The following PHACTR3 variants were observed in gnomAD, a reference collection of about 807,000 sequenced individuals.
The protein encoded by PHACTR3 is phosphatase and actin regulator 3.
A neutral mutation model predicts 66.8 loss-of-function variants in PHACTR3; 16 were observed. The ratio of observed to expected loss-of-function variants is 0.24; its 90% CI spans 0.16 to 0.36. The LOEUF is 0.36. PHACTR3 is among the 10% of genes least tolerant of loss of function. The probability of loss-of-function intolerance (pLI) is 1.00; values close to 1 mark genes in which losing one functional copy is unlikely to be tolerated. For synonymous variants in PHACTR3, 323 were observed against 292.1 expected (o/e 1.11, Z -1.08); for missense variants, 647 against 719.9 (o/e 0.90, Z 1.16).
chr20:59,689,475 G>A (rs570585686), intron 1 of PHACTR3, among the ~76,000 whole-genome samples: 3 of 152,206 alleles, frequency 2.0e-5, no homozygotes, highest in Admixed American at 6.5e-5. Flanking sequence ...TAGAGGTGCC[G>A]CAGGGTCTGC....
At chr20:59,666,538 GGT>G (rs1301008651) in intron 1 of PHACTR3, among the ~76,000 whole-genome samples, 1 of 141,812 alleles carries the variant, frequency 7.1e-6, no homozygotes, top group Non-Finnish European at 1.5e-5. Flanking sequence ...CAGAGACAGA[GGT>G]AGAGAGAGAG....
intron 1 of PHACTR3, among the ~76,000 whole-genome samples, chr20:59,706,602 G>A (rs1467563239): frequency 6.6e-6 from 1 of 152,254 alleles, no homozygotes; most frequent in Non-Finnish European, 1.5e-5. Flanking sequence ...GTTCATGGTT[G>A]TTAAGCTTGT....
intron 1 of PHACTR3, among the ~76,000 whole-genome samples, chr20:59,677,893 G>C (rs924845123): frequency 1.3e-5 from 2 of 152,166 alleles, no homozygotes; most frequent in African/African-American, 4.8e-5. Flanking sequence ...ATTAAGGAGA[G>C]GATCAGAGGA....
In PHACTR3 at chr20:59,604,592, G is replaced by GGGGGTGGGGGGT. The variant is rs1430898439; in HGVS notation, c.-411_-400dup. On this transcript the variant is annotated 5_prime_UTR_variant, in exon 1 of 13. Transcript: ENST00000371015. ...TTCTTCCTTTTCCCTTTTTTCCTGG[G>GGGGGTGGGGGGT]GGGGTGGGGGGTGGGGTGGGGGGAG... 2.3e-6 allele frequency: 1 copy of GGGGGTGGGGGGT among 435,962 alleles called. No homozygotes were observed. Among genetic ancestry groups the GGGGGTGGGGGGT allele is most frequent in the Admixed American group, 6.5e-5 (1 of 15,422 alleles). The allele number at this position is 435,962 out of a possible 1,614,324, so 27.0% of individuals were successfully genotyped here.
intron 1 of PHACTR3, among the ~76,000 whole-genome samples, chr20:59,583,944 G>C (rs1242478515): frequency 2.6e-5 from 4 of 152,258 alleles, no homozygotes; most frequent in Non-Finnish European, 4.4e-5. Context: ...CATGTGGAAG[G>C]CCTTTCCTGG....
intron 1 of PHACTR3, among the ~76,000 whole-genome samples, chr20:59,633,037 G>C (rs946537186): frequency 6.6e-6 from 1 of 152,190 alleles, no homozygotes; most frequent in Non-Finnish European, 1.5e-5. Context: ...GGAAGGAGAG[G>C]AGTGTGGGAG....
At position 59,608,238 on chromosome 20, in the gene PHACTR3, C is replaced by T. The variant is rs1036314128; in HGVS notation, c.118+3106C>T. On this transcript the variant is annotated intron_variant, in intron 1 of 12. Coordinates refer to ENST00000371015, the MANE Select transcript of PHACTR3 (RefSeq NM_080672.5). ...ATTAGTTCATTAAATCTCCCATGGC[C>T]GGGTCTGTGGCCATGGACTGTGTGG... 3.9e-5 allele frequency among the ~76,000 whole-genome samples: 6 copies of T among 152,102 alleles called. No individual in the cohort carries two copies. In the East Asian group the frequency reaches 5.8e-4, roughly 15 times the overall value.
chr20:59,645,884 C>G (rs1483256703), intron 1 of PHACTR3, among the ~76,000 whole-genome samples: 4 of 152,110 alleles, frequency 2.6e-5, no homozygotes, highest in South Asian at 4.1e-4. Context: ...GAGTTTCTTT[C>G]CCCTCCCCTG....
intron 1 of PHACTR3, among the ~76,000 whole-genome samples, chr20:59,585,067 C>T (rs191602112): frequency 1.4e-3 from 220 of 152,282 alleles, no homozygotes; most frequent in African/African-American, 4.8e-3. Context: ...GGAACGTGAG[C>T]GGGGCCTCGG....
At chr20:59,597,961 C>T (rs1037763978) in intron 1 of PHACTR3, among the ~76,000 whole-genome samples, 2 of 152,230 alleles carry the variant, frequency 1.3e-5, no homozygotes, top group African/African-American at 4.8e-5. Context: ...GAAGCCTGTT[C>T]CTCTCCTTTC....
chr20:59,784,865 G>A (rs899285262), intron 7 of PHACTR3, among the ~76,000 whole-genome samples: 6 of 152,192 alleles, frequency 3.9e-5, no homozygotes, highest in African/African-American at 9.7e-5. Flanking sequence ...CTGGCATACC[G>A]CAAGGGCTCA....
chr20:59,736,505 A>T lies in PHACTR3; in HGVS notation c.119-6602A>T, dbSNP rs1003808866. On this transcript the variant is annotated intron_variant, in intron 1 of 12. Coordinates refer to ENST00000371015, the MANE Select transcript of PHACTR3 (RefSeq NM_080672.5). This position sits in a 1 kb window ranked among gnomAD's most constrained non-coding sequence, Gnocchi z 4.6. Reference sequence around the variant, plus strand: ...GGTGCACACCCACCCACGCCCATGCACACTGGCTCCGCAGGTGCTCACCCG... The same window carrying T: ...GGTGCACACCCACCCACGCCCATGCTCACTGGCTCCGCAGGTGCTCACCCG... 6.8e-6 allele frequency among the ~76,000 whole-genome samples: 1 copy of T among 147,316 alleles called. No homozygotes were observed. The highest frequency in any genetic ancestry group is 2.5e-5 in the African/African-American group (1 of 39,792).
intron 4 of PHACTR3, among the ~76,000 whole-genome samples, chr20:59,759,916 G>A (rs1452026606): frequency 2.0e-5 from 3 of 152,170 alleles, no homozygotes; most frequent in Admixed American, 2.0e-4. Flanking sequence ...CAAGTTCAGG[G>A]AAACCTCATG....
At chr20:59,681,387 C>T (rs1407251857) in intron 1 of PHACTR3, among the ~76,000 whole-genome samples, 10 of 152,074 alleles carry the variant, frequency 6.6e-5, no homozygotes, top group East Asian at 1.9e-4. Context: ...TACTTTTTCA[C>T]GTGTCCAAAA....
intron 1 of PHACTR3, among the ~76,000 whole-genome samples, chr20:59,712,069 C>A (rs1488058951): frequency 6.6e-6 from 1 of 151,550 alleles, no homozygotes; most frequent in Non-Finnish European, 1.5e-5. Context: ...TTTAAAAATT[C>A]TTATGTAATT....
intron 7 of PHACTR3, among the ~76,000 whole-genome samples, chr20:59,801,364 T>C (rs970165905): frequency 2.6e-5 from 4 of 152,248 alleles, no homozygotes; most frequent in Admixed American, 6.5e-5. Context: ...TACGGTTTTA[T>C]ACATTTTGAC....
chr20:59,706,165 C>T (rs960866488), intron 1 of PHACTR3, among the ~76,000 whole-genome samples: 5 of 152,152 alleles, frequency 3.3e-5, no homozygotes, highest in Admixed American at 1.3e-4. Context: ...CTCTGAATTC[C>T]CTGACGAACT....
intron 1 of PHACTR3, among the ~76,000 whole-genome samples, chr20:59,585,915 C>T (rs189458424): frequency 7.2e-5 from 11 of 152,328 alleles, no homozygotes; most frequent in Admixed American, 4.6e-4. Context: ...GGCCTCTTTG[C>T]GTGAGTCTCT....
At chr20:59,628,526 AC>A (rs754827763) in intron 1 of PHACTR3, 158 of 648,256 alleles carry the variant, frequency 2.4e-4, no homozygotes, top group Non-Finnish European at 3.0e-4. Context: ...GCATGGGGCC[AC>A]GTGCAGGCAT....
Sources: allele counts gnomAD v4.1 joint callset (sites outside exome capture counted in the v4.1 genomes callset), GRCh38; gene constraint gnomAD v4.1.1; non-coding constraint Gnocchi (gnomAD v3.1); transcripts MANE v1.5; gene names NCBI Gene and HGNC (gene_info 2026-07-23, HGNC 2026-07-21).